Variants in PIWIL2 observed in about 807,000 individuals in gnomAD.
PIWIL2 encodes the protein piwi-like protein 2.
PIWIL2 carries 81 observed loss-of-function variants against 116.5 expected under a neutral mutation model. The observed-to-expected ratio is 0.70, with a 90% CI of 0.58 to 0.84. PIWIL2 has a LOEUF of 0.84. Among genes scored for constraint, PIWIL2 ranks in the 40% least tolerant of loss-of-function variants. The probability of loss-of-function intolerance (pLI) is 0.00; values close to 1 mark genes in which losing one functional copy is unlikely to be tolerated. For synonymous variants in PIWIL2, 489 were observed against 429.5 expected (o/e 1.14, Z -1.71); for missense variants, 1,272 against 1,212.3 (o/e 1.05, Z -0.73).
At chr8:22,281,267 C>G in intron 3 of PIWIL2, 60 bp downstream of exon 3, 4 of 1,544,388 alleles carry the variant, frequency 2.6e-6, no homozygotes, top group Non-Finnish European at 3.5e-6. Context: ...CTTCTAAAAT[C>G]CAAATGGTTT....
intron 20 of PIWIL2, 159 bp from the exon 21 acceptor site, chr8:22,352,800 G>A: frequency 1.5e-6 from 1 of 648,942 alleles, no homozygotes; most frequent in Non-Finnish European, 2.6e-6. Flanking sequence ...GAAATGATTA[G>A]AAGCTTTTTT....
At position 22,311,218 on chromosome 8, in the gene PIWIL2, T is replaced by C. The variant is rs149013639; in HGVS notation, c.1907T>C (p.Met636Thr). ...ATAGCCGGCCCCATTGGCATGCGTA[T>C]GAGCCCACCGGCCTGGGTTGAACTA... is the stretch of plus-strand genomic sequence containing the variant. ...EKIAGPIGMR[M>T]SPPAWVELKD... Residue 636 changes from methionine (M) to threonine (T), a missense_variant, in exon 16 of 23, where the codon ATG (methionine) becomes ACG (threonine). By Grantham distance (81) the Met-to-Thr change is moderately conservative. Coordinates refer to ENST00000356766, the MANE Select transcript of PIWIL2 (RefSeq NM_018068.5). 29 of 1,614,064 alleles carry C rather than the reference T, an allele frequency of 1.8e-5. No individual in the cohort carries two copies. In the African/African-American group the frequency reaches 3.7e-4, roughly 21 times the overall value.
intron 6 of PIWIL2, among the ~76,000 whole-genome samples, chr8:22,285,021 T>C (rs1341356898): frequency 1.3e-5 from 2 of 152,174 alleles, no homozygotes; most frequent in African/African-American, 4.8e-5. Flanking sequence ...TATGTATACA[T>C]TGTAGAAAGA....
At chr8:22,321,492 C>T (rs1416877680) in intron 20 of PIWIL2, among the ~76,000 whole-genome samples, 1 of 152,070 alleles carries the variant, frequency 6.6e-6, no homozygotes. Context: ...TTGTTCTGCA[C>T]CTAGTGGAAG....
intron 10 of PIWIL2, among the ~76,000 whole-genome samples, chr8:22,302,087 G>T (rs1408205060): frequency 2.0e-5 from 3 of 151,920 alleles, no homozygotes; most frequent in African/African-American, 7.3e-5. Context: ...TGATCTGTGG[G>T]TTATTTAGAG....
At chr8:22,284,602 A>G (rs1490517589) in intron 6 of PIWIL2, among the ~76,000 whole-genome samples, 1 of 151,894 alleles carries the variant, frequency 6.6e-6, no homozygotes, top group Non-Finnish European at 1.5e-5. Flanking sequence ...CTTATTTTGT[A>G]TGTGTAATTT....
At chr8:22,309,808 C>G (rs1360813283) in intron 14 of PIWIL2, among the ~76,000 whole-genome samples, 153 bp from the exon 15 acceptor site, 4 of 152,200 alleles carry the variant, frequency 2.6e-5, no homozygotes, top group Non-Finnish European at 4.4e-5. Flanking sequence ...GGGACTTTCA[C>G]TGCTAGAAGC....
At chr8:22,341,111 A>G (rs1398554047) in intron 20 of PIWIL2, among the ~76,000 whole-genome samples, 1 of 152,156 alleles carries the variant, frequency 6.6e-6, no homozygotes, top group East Asian at 1.9e-4. Flanking sequence ...CACCCAGTTC[A>G]TGGTACTTTG....
chr8:22,307,928 T>A lies in PIWIL2; in HGVS notation c.1546-5T>A, dbSNP rs1209789240. ...ATAAGTTATCTTTATTTTAATTCTGTTTAGGATTTGGCTCAGCAAATCAAT... is the reference window on the plus strand; with the variant it reads ...ATAAGTTATCTTTATTTTAATTCTGATTAGGATTTGGCTCAGCAAATCAAT... On this transcript the variant is annotated splice_polypyrimidine_tract_variant and splice_region_variant and intron_variant, in intron 13 of 22. Coordinates refer to ENST00000356766, the MANE Select transcript of PIWIL2 (RefSeq NM_018068.5). The A allele has an allele frequency of 1.9e-6, 3 of 1,597,812 alleles. No individual in the cohort carries two copies. Among genetic ancestry groups the A allele is most frequent in the African/African-American group, 2.7e-5 (2 of 74,592 alleles).
At chr8:22,317,863 G>T (rs574737681) in intron 19 of PIWIL2, among the ~76,000 whole-genome samples, 1 of 151,842 alleles carries the variant, frequency 6.6e-6, no homozygotes, top group Admixed American at 6.6e-5. Context: ...GGGTTTCACC[G>T]TGTTAGCCAG....
At chr8:22,322,251 TC>T (rs891511642) in intron 20 of PIWIL2, among the ~76,000 whole-genome samples, 17 of 151,586 alleles carry the variant, frequency 1.1e-4, no homozygotes, top group African/African-American at 3.6e-4. Context: ...TACATGCCCC[TC>T]CCCCCCACCT....
In PIWIL2 at chr8:22,279,593, A is replaced by C. The variant is rs369297323; in HGVS notation, c.198+9A>C. 3.7e-6 allele frequency: 6 copies of C among 1,612,082 alleles called. No individual in the cohort carries two copies. In the African/African-American group the frequency reaches 8.0e-5, roughly 22 times the overall value. ...GGGGGCCAGCACAAAGGGTAAGACC[A>C]CTTCCGGATGCATAGGAGTGGCATA... On this transcript the variant is annotated intron_variant, in intron 2 of 22. Transcript: ENST00000356766.
At chr8:22,349,649 T>G (rs1832311821) in intron 20 of PIWIL2, among the ~76,000 whole-genome samples, 1 of 152,044 alleles carries the variant, frequency 6.6e-6, no homozygotes, top group Non-Finnish European at 1.5e-5. Flanking sequence ...AGATCTGAGG[T>G]CCTGGGTCAC....
chr8:22,305,180 T>C (rs541320487), intron 12 of PIWIL2, among the ~76,000 whole-genome samples: 57 of 149,838 alleles, frequency 3.8e-4, no homozygotes, highest in African/African-American at 1.2e-3. Context: ...TTCATTTATT[T>C]ATTTATTTAT....
intron 20 of PIWIL2, among the ~76,000 whole-genome samples, chr8:22,320,992 T>G (rs1052521070): frequency 6.6e-6 from 1 of 152,224 alleles, no homozygotes; most frequent in Non-Finnish European, 1.5e-5. Context: ...TCCTGGTGAT[T>G]TACGTTGAAT....
chr8:22,289,709 C>G (rs1388951556), intron 8 of PIWIL2, 138 bp from the exon 9 acceptor site: 2 of 596,834 alleles, frequency 3.4e-6, no homozygotes, highest in African/African-American at 1.9e-5. Flanking sequence ...AGATTGTTCT[C>G]AATATAAAAG....
In PIWIL2 at chr8:22,290,287, C is replaced by T; in HGVS notation, c.1122C>T (p.Leu374=). ...AASIRRTDGG[L]FLLADVSHKV... The stretch of plus-strand genomic sequence containing the variant: ...GCATCCGAAGGACAGATGGAGGGCT[C>T]TTCCTGCTAGCTGATGTCTCCCATA... The change falls in exon 10 of 23, where the codon CTC becomes CTT. Residue 374 remains leucine, a synonymous_variant. Transcript: ENST00000356766. 1.9e-6 allele frequency: 3 copies of T among 1,612,868 alleles called. No individual in the cohort carries two copies. The highest frequency in any genetic ancestry group is 2.5e-6 in the Non-Finnish European group (3 of 1,178,880).
At position 22,357,235 on chromosome 8, in the gene PIWIL2, A is replaced by G. The variant is rs1255756559; in HGVS notation, c.*1730A>G. ...CAGCCGAGGTTGAGGAGGGATGGGTATTGTTGGTGCACTGCTGGTTTCATT... is the reference window on the plus strand; with the variant it reads ...CAGCCGAGGTTGAGGAGGGATGGGTGTTGTTGGTGCACTGCTGGTTTCATT... On this transcript the variant is annotated 3_prime_UTR_variant, in exon 23 of 23. Transcript: ENST00000356766. 6.6e-6 allele frequency: 1 copy of G among 152,156 alleles called. No individual in the cohort carries two copies. The allele number at this position is 152,156 out of a possible 1,614,324, so 9.4% of individuals were successfully genotyped here. A position where few individuals can be genotyped will look rare whatever the true frequency, so the allele number is the denominator to read the frequency against.
intron 20 of PIWIL2, among the ~76,000 whole-genome samples, chr8:22,329,699 G>A (rs1223971253): frequency 6.6e-6 from 1 of 152,204 alleles, no homozygotes; most frequent in Admixed American, 6.5e-5. Flanking sequence ...TGTAGCAATA[G>A]TATATAGAAA....
Sources: allele counts gnomAD v4.1 joint callset (sites outside exome capture counted in the v4.1 genomes callset), GRCh38; gene constraint gnomAD v4.1.1; transcripts MANE v1.5; gene names NCBI Gene and HGNC (gene_info 2026-07-23, HGNC 2026-07-21).